Variants in CELF5 observed in about 807,000 individuals in gnomAD.
The protein encoded by CELF5 is CUGBP Elav-like family member 5.
A neutral mutation model predicts 54.9 loss-of-function variants in CELF5; 6 were observed. The observed-to-expected ratio is 0.11, with a 90% CI of 0.06 to 0.22. CELF5 has a LOEUF of 0.22. CELF5 is among the 10% of genes least tolerant of loss of function. CELF5 has a pLI of 1.00. For synonymous variants in CELF5, 271 were observed against 290.9 expected, an observed-to-expected ratio of 0.93 and a Z score of 0.70; for missense variants, 401 against 678.6, an observed-to-expected ratio of 0.59 and a Z score of 4.54.
At chr19:3,272,903 C>T (rs370823968) in intron 2 of CELF5, among the ~76,000 whole-genome samples, 9 of 152,144 alleles carry the variant, frequency 5.9e-5, no homozygotes, top group African/African-American at 1.7e-4. Context: ...CTGTTCTCAA[C>T]GATCCAAAAT....
intron 2 of CELF5, 102 bp from the exon 3 acceptor site, chr19:3,273,770 G>A (rs1190555682): frequency 1.4e-5 from 11 of 788,194 alleles, no homozygotes; most frequent in African/African-American, 5.1e-5. Flanking sequence ...AGGGCTGGTG[G>A]TGGGAGGTGG....
chr19:3,295,843 A>AG (rs148152865), intron 12 of CELF5: 74,580 of 147,918 alleles, frequency 0.5, 20,430 homozygotes, highest in Middle Eastern at 0.69. Context: ...TTTCCGTCGG[A>AG]GGGGGGGGGC....
chr19:3,248,902 C>CTTCCTT (rs1568337864), intron 1 of CELF5, among the ~76,000 whole-genome samples: 1 of 122,772 alleles, frequency 8.1e-6, no homozygotes, highest in African/African-American at 3.0e-5. Context: ...TCCTTCCTTC[C>CTTCCTT]TTCCTTTCTT....
intron 2 of CELF5, among the ~76,000 whole-genome samples, chr19:3,258,322 A>G (rs532767439): frequency 2.7e-5 from 4 of 150,460 alleles, no homozygotes; most frequent in South Asian, 2.1e-4. Flanking sequence ...TGGTTTTCCT[A>G]TGTTGCCCAG....
rs372967438 is a variant in CELF5, at chr19:3,286,046, C to A, written c.1186+21C>A. 1,269 of 1,546,054 alleles carry A rather than the reference C, an allele frequency of 8.2e-4. 2 individuals are homozygous for A. Among genetic ancestry groups the A allele is most frequent in the Non-Finnish European group, 9.4e-4 (1,091 of 1,155,810 alleles). ...AGAAGGTGAGGCGGCCGCAACCTCCCCTGGGCGCCAGCCCCGCCCTCTGCC... is the reference window on the plus strand; with the variant it reads ...AGAAGGTGAGGCGGCCGCAACCTCCACTGGGCGCCAGCCCCGCCCTCTGCC... On this transcript the variant is annotated intron_variant, in intron 10 of 12. Coordinates refer to ENST00000292672, the MANE Select transcript of CELF5 (RefSeq NM_021938.4).
chr19:3,284,970 A>AG lies in CELF5; in HGVS notation c.1102+8dup. On this transcript the variant is annotated splice_region_variant and intron_variant, in intron 9 of 12. Coordinates refer to ENST00000292672, the MANE Select transcript of CELF5 (RefSeq NM_021938.4). ...CGGAGTCCAGCAGTACACAGGTAGG[A>AG]GGCAGCCCGCGTGCCCGCGCTGGGC... 1 of 1,597,956 alleles carries AG rather than the reference A, an allele frequency of 6.3e-7. No homozygotes were observed. The highest frequency in any genetic ancestry group is 8.6e-7 in the Non-Finnish European group (1 of 1,168,682).
intron 2 of CELF5, among the ~76,000 whole-genome samples, chr19:3,272,874 A>G (rs988031765): frequency 2.0e-5 from 3 of 151,792 alleles, no homozygotes; most frequent in African/African-American, 7.3e-5. Context: ...TGCCTCCCCA[A>G]CTCTCACATC....
At chr19:3,233,224 G>C (rs1917353734) in intron 1 of CELF5, among the ~76,000 whole-genome samples, 1 of 152,120 alleles carries the variant, frequency 6.6e-6, no homozygotes, top group African/African-American at 2.4e-5. Flanking sequence ...GGAGGTGGAG[G>C]CTACAGTGAG....
rs1304162522 is a variant in CELF5 at position 3,275,624 on chromosome 19, T to C, written c.395-232T>C. Among the ~76,000 whole-genome samples the C allele has an allele frequency of 6.6e-6, 1 of 152,088 alleles. No homozygotes were observed. The highest frequency in any genetic ancestry group is 1.5e-5 in the Non-Finnish European group (1 of 68,014). ...GGGCATTCCAGGCGGGGGCGCCACC[T>C]GGGCAAAGGCCGGGAGATGGGAGCG... On this transcript the variant is annotated intron_variant, in intron 3 of 12. Coordinates refer to ENST00000292672, the MANE Select transcript of CELF5 (RefSeq NM_021938.4). This position sits in a 1 kb window ranked among gnomAD's most constrained non-coding sequence, Gnocchi z 6.7.
At position 3,228,950 on chromosome 19, in the gene CELF5, G is replaced by T. The variant is rs1380866644; in HGVS notation, c.259+3952G>T. 6.6e-6 allele frequency among the ~76,000 whole-genome samples: 1 copy of T among 151,558 alleles called. No homozygotes were observed. Among genetic ancestry groups the T allele is most frequent in the Non-Finnish European group, 1.5e-5 (1 of 67,892 alleles). On this transcript the variant is annotated intron_variant, in intron 1 of 12. Coordinates refer to ENST00000292672, the MANE Select transcript of CELF5 (RefSeq NM_021938.4). This position sits in a 1 kb window ranked among gnomAD's most constrained non-coding sequence, Gnocchi z 6.0. ...CGCGCCTGGGAAGGACTCCTGCCGG[G>T]GTGCTGTGTGGCTTCAAGCTGAGCG...
chr19:3,284,648 G>A (rs1315785974), intron 8 of CELF5: 7 of 535,952 alleles, frequency 1.3e-5, no homozygotes, highest in African/African-American at 1.9e-5. Context: ...AGAGGGAGAT[G>A]GGGACGATGG....
chr19:3,273,186 C>G (rs1043603854), intron 2 of CELF5, among the ~76,000 whole-genome samples: 1 of 152,050 alleles, frequency 6.6e-6, no homozygotes. Context: ...TATTTGTTCT[C>G]GATTCTGCAA....
chr19:3,241,612 G>A (rs1010007875), intron 1 of CELF5, among the ~76,000 whole-genome samples: 2 of 152,036 alleles, frequency 1.3e-5, no homozygotes, highest in Non-Finnish European at 2.9e-5. Context: ...AGGCTCACCT[G>A]GCGTGGGTGG....
At chr19:3,251,488 A>C (rs1010267876) in intron 2 of CELF5, among the ~76,000 whole-genome samples, 1 of 152,056 alleles carries the variant, frequency 6.6e-6, no homozygotes, top group South Asian at 2.1e-4. Flanking sequence ...TGGAGAAAGA[A>C]AGGCGGGAAG....
At chr19:3,260,177 C>T (rs568004449) in intron 2 of CELF5, among the ~76,000 whole-genome samples, 8 of 152,110 alleles carry the variant, frequency 5.3e-5, no homozygotes, top group South Asian at 2.1e-4. Flanking sequence ...AGTGCAGGGG[C>T]GTGATCTTGG....
chr19:3,273,932 C>T lies in CELF5; in HGVS notation c.394+9C>T. 6.2e-7 allele frequency: 1 copy of T among 1,612,302 alleles called. No homozygotes were observed. Among genetic ancestry groups the T allele is most frequent in the East Asian group, 2.2e-5 (1 of 44,848 alleles). On this transcript the variant is annotated intron_variant, in intron 3 of 12. Coordinates refer to ENST00000292672, the MANE Select transcript of CELF5 (RefSeq NM_021938.4). ...TGAAAGCCGCGGAGGTAGTTGTCAT[C>T]TCTCCGTGGCTGCCAGGCTGGGGGT...
intron 2 of CELF5, among the ~76,000 whole-genome samples, chr19:3,264,777 C>T (rs1021019916): frequency 7.3e-5 from 11 of 150,898 alleles, no homozygotes; most frequent in Admixed American, 1.3e-4. Flanking sequence ...AGTGCAGTAG[C>T]GTGATCTTGG....
intron 2 of CELF5, among the ~76,000 whole-genome samples, chr19:3,264,979 G>T (rs1202158375): frequency 6.6e-6 from 1 of 152,152 alleles, no homozygotes; most frequent in African/African-American, 2.4e-5. Context: ...CTCCCAAAGT[G>T]CTGGGATTAC....
intron 1 of CELF5, among the ~76,000 whole-genome samples, chr19:3,238,035 A>G (rs1338920275): frequency 1.3e-5 from 2 of 149,776 alleles, no homozygotes; most frequent in African/African-American, 4.9e-5. Context: ...GGTGAAAGAG[A>G]GAGGCTCTGT....
Sources: gnomAD v4.1 joint callset for allele counts (sites outside exome capture counted in the v4.1 genomes callset) on GRCh38, gnomAD v4.1.1 for gene constraint, Gnocchi (gnomAD v3.1) non-coding constraint, MANE v1.5 for transcripts, NCBI Gene and HGNC (gene_info 2026-07-23, HGNC 2026-07-21) for gene names.